The following FRMD4A variants were observed in gnomAD, a reference collection of about 807,000 sequenced individuals.
FRMD4A encodes the protein FERM domain-containing protein 4A.
A neutral mutation model predicts 129.1 loss-of-function variants in FRMD4A; 29 were observed. That is an observed-to-expected ratio of 0.22 (90% CI 0.17 to 0.31). The LOEUF is 0.31. FRMD4A is among the 10% of genes least tolerant of loss of function. The pLI is 1.00. For synonymous variants in FRMD4A, 634 were observed against 571.6 expected (o/e 1.11, Z -1.56); for missense variants, 1,272 against 1,375.8 (o/e 0.92, Z 1.19).
At chr10:14,287,317 A>G (rs1845712829) in intron 2 of FRMD4A, among the ~76,000 whole-genome samples, 1 of 152,250 alleles carries the variant, frequency 6.6e-6, no homozygotes, top group Non-Finnish European at 1.5e-5. Context: ...GTTCTGCACT[A>G]GCCTGCAAGT....
At chr10:14,118,730 T>A (rs1838332680) in intron 2 of FRMD4A, among the ~76,000 whole-genome samples, 2 of 152,214 alleles carry the variant, frequency 1.3e-5, no homozygotes, top group Non-Finnish European at 1.5e-5. Context: ...CCATCAGATA[T>A]CATGAGACTT....
chr10:13,861,158 T>C (rs1294056590), intron 2 of FRMD4A, among the ~76,000 whole-genome samples: 1 of 152,168 alleles, frequency 6.6e-6, no homozygotes, highest in Non-Finnish European at 1.5e-5. Context: ...TCCTCGACCC[T>C]GAGCTCCTGG....
At chr10:14,004,337 G>C (rs1013959295) in intron 2 of FRMD4A, among the ~76,000 whole-genome samples, 13 of 152,206 alleles carry the variant, frequency 8.5e-5, no homozygotes, top group African/African-American at 3.1e-4. Flanking sequence ...GAGGTCAGGA[G>C]TTCGAGACCA....
intron 2 of FRMD4A, among the ~76,000 whole-genome samples, chr10:14,183,076 A>G (rs1841964773): frequency 6.6e-6 from 1 of 152,230 alleles, no homozygotes; most frequent in African/African-American, 2.4e-5. Context: ...CTGAAAAAGC[A>G]TAGAGCTAGG....
chr10:14,123,606 T>A (rs1429076873), intron 2 of FRMD4A, among the ~76,000 whole-genome samples: 1 of 152,070 alleles, frequency 6.6e-6, no homozygotes, highest in Non-Finnish European at 1.5e-5. Context: ...GTTGGTCTCC[T>A]TTCTAAGTCT....
chr10:13,998,138 T>G (rs770713619), intron 2 of FRMD4A, among the ~76,000 whole-genome samples: 4 of 152,164 alleles, frequency 2.6e-5, no homozygotes, highest in Non-Finnish European at 4.4e-5. Context: ...AGGTCCAGTG[T>G]GCTGACAATT....
At chr10:13,748,440 A>G (rs1423547639) in intron 8 of FRMD4A, among the ~76,000 whole-genome samples, 1 of 152,128 alleles carries the variant, frequency 6.6e-6, no homozygotes, top group African/African-American at 2.4e-5. Flanking sequence ...GTTTGCATTT[A>G]TATACTTACT....
At chr10:13,884,194 A>ACTCTCT (rs56291063) in intron 2 of FRMD4A, among the ~76,000 whole-genome samples, 1 of 79,836 alleles carries the variant, frequency 1.3e-5, no homozygotes, top group South Asian at 5.0e-4. Context: ...ACACACACAC[A>ACTCTCT]CTCACACACA....
chr10:13,886,311 C>T (rs912649124), intron 2 of FRMD4A, among the ~76,000 whole-genome samples: 23 of 149,878 alleles, frequency 1.5e-4, no homozygotes, highest in Admixed American at 6.7e-5. Context: ...CACCAATGAA[C>T]AGGCTAATCC....
At chr10:14,043,470 A>G (rs2131677119) in intron 2 of FRMD4A, among the ~76,000 whole-genome samples, 1 of 152,014 alleles carries the variant, frequency 6.6e-6, no homozygotes, top group Middle Eastern at 3.4e-3. Context: ...GAATTCTCCC[A>G]TTTCATCTCC....
intron 2 of FRMD4A, among the ~76,000 whole-genome samples, chr10:14,306,936 A>G (rs1846372889): frequency 6.6e-6 from 1 of 152,194 alleles, no homozygotes; most frequent in Non-Finnish European, 1.5e-5. Flanking sequence ...TACAACATTT[A>G]GCAAACTCAT....
intron 2 of FRMD4A, among the ~76,000 whole-genome samples, chr10:13,999,478 C>T (rs1255860507): frequency 6.6e-6 from 1 of 152,218 alleles, no homozygotes; most frequent in Non-Finnish European, 1.5e-5. Context: ...GATCAATATA[C>T]TTCTAACCCT....
intron 17 of FRMD4A, among the ~76,000 whole-genome samples, chr10:13,666,918 T>C (rs536618861): frequency 0.02 from 2,900 of 145,952 alleles, 84 homozygotes; most frequent in African/African-American, 0.07. Context: ...TTTCTTTTTT[T>C]TTTTTTTTTT....
intron 2 of FRMD4A, among the ~76,000 whole-genome samples, chr10:14,321,965 C>T (rs761543117): frequency 2.6e-5 from 4 of 152,158 alleles, no homozygotes; most frequent in Admixed American, 1.3e-4. Flanking sequence ...CTCCCTCTTC[C>T]TCCTGCTCCC....
intron 5 of FRMD4A, among the ~76,000 whole-genome samples, chr10:13,793,523 C>T (rs960652873): frequency 6.6e-6 from 1 of 152,092 alleles, no homozygotes; most frequent in Non-Finnish European, 1.5e-5. Context: ...GCTACCTAGA[C>T]ATGTGGTATG....
At chr10:14,117,875 C>T (rs1403739924) in intron 2 of FRMD4A, among the ~76,000 whole-genome samples, 3 of 152,148 alleles carry the variant, frequency 2.0e-5, no homozygotes, top group Non-Finnish European at 4.4e-5. Flanking sequence ...ACAATTTCAA[C>T]ATGGGCAATA....
intron 2 of FRMD4A, among the ~76,000 whole-genome samples, chr10:14,301,195 T>G (rs1444005813): frequency 6.6e-6 from 1 of 152,226 alleles, no homozygotes; most frequent in African/African-American, 2.4e-5. Context: ...CTCTCATATT[T>G]TGTACTTTCC....
intron 8 of FRMD4A, among the ~76,000 whole-genome samples, chr10:13,756,644 C>A (rs1279434993): frequency 6.6e-6 from 1 of 151,990 alleles, no homozygotes; most frequent in Non-Finnish European, 1.5e-5. Context: ...GGATTAAAGA[C>A]GTGAGCCACC....
intron 12 of FRMD4A, among the ~76,000 whole-genome samples, chr10:13,710,087 C>T (rs994210732): frequency 6.6e-5 from 10 of 152,074 alleles, no homozygotes; most frequent in African/African-American, 2.2e-4. Context: ...GCCTTAGGTC[C>T]TGGCATGTAC....
Sources: allele counts gnomAD v4.1 joint callset (sites outside exome capture counted in the v4.1 genomes callset), GRCh38; gene constraint gnomAD v4.1.1; transcripts MANE v1.5; gene names NCBI Gene and HGNC (gene_info 2026-07-23, HGNC 2026-07-21).